CEMIP: variants seen among roughly 807,000 people sequenced by gnomAD.
The protein encoded by CEMIP is cell migration-inducing and hyaluronan-binding protein.
Under a neutral mutation model 156.9 loss-of-function variants are expected in CEMIP, and 105 were observed. The observed-to-expected ratio is 0.67, with a 90% CI of 0.57 to 0.79. The LOEUF is 0.79. Ranked by LOEUF, CEMIP falls within the 30% of genes least tolerant of loss-of-function variation. The pLI is 0.00. For synonymous variants in CEMIP, 676 were observed against 668.4 expected, an observed-to-expected ratio of 1.01 and a Z score of -0.17; for missense variants, 1,457 against 1,769.4, an observed-to-expected ratio of 0.82 and a Z score of 3.17.
At chr15:80,840,970 G>A (rs1350958438) in intron 1 of CEMIP, among the ~76,000 whole-genome samples, 1 of 152,200 alleles carries the variant, frequency 6.6e-6, no homozygotes, top group Non-Finnish European at 1.5e-5. Context: ...AAGGGGAGGA[G>A]GACACAGCTT....
At chr15:80,854,632 C>T (rs772377214) in intron 1 of CEMIP, among the ~76,000 whole-genome samples, 10 of 152,162 alleles carry the variant, frequency 6.6e-5, no homozygotes, top group African/African-American at 1.9e-4. Context: ...AACTGCAAAC[C>T]GGGTGCTTTC....
At chr15:80,934,432 T>C (rs180989600) in intron 23 of CEMIP, among the ~76,000 whole-genome samples, 2 of 152,192 alleles carry the variant, frequency 1.3e-5, no homozygotes, top group African/African-American at 4.8e-5. Flanking sequence ...AGTTAGCTAT[T>C]ATTATATTAT....
chr15:80,866,247 G>A (rs565609588), intron 1 of CEMIP, among the ~76,000 whole-genome samples: 1 of 152,284 alleles, frequency 6.6e-6, no homozygotes, highest in East Asian at 1.9e-4. Context: ...TCTGTAGGTG[G>A]TTCCCCATTG....
chr15:80,827,342 T>G (rs890670649), intron 1 of CEMIP, among the ~76,000 whole-genome samples: 6 of 152,168 alleles, frequency 3.9e-5, no homozygotes, highest in African/African-American at 1.2e-4. Context: ...CCTGATAGTT[T>G]TCAGTCCAAA....
chr15:80,930,323 C>T lies in CEMIP; in HGVS notation c.2612+1149C>T, dbSNP rs116812098. On this transcript the variant is annotated intron_variant, in intron 21 of 29. Transcript: ENST00000394685. Reference sequence around the variant, plus strand: ...GTGTATGAGTGACCCTGAATCCGCACGTTCAAGGTTTCTTTGCCAAGGGTT... The same window carrying T: ...GTGTATGAGTGACCCTGAATCCGCATGTTCAAGGTTTCTTTGCCAAGGGTT... Among the ~76,000 whole-genome samples, 1,253 of 152,320 alleles carry T rather than the reference C, an allele frequency of 8.2e-3. 19 individuals are homozygous for T. Among genetic ancestry groups the T allele is most frequent in the African/African-American group, 0.029 (1,198 of 41,558 alleles).
chr15:80,902,542 T>C (rs1188701209), intron 12 of CEMIP, among the ~76,000 whole-genome samples: 2 of 152,172 alleles, frequency 1.3e-5, no homozygotes, highest in Non-Finnish European at 2.9e-5. Context: ...ATAAGGTGGC[T>C]GCCGCAGCTA....
chr15:80,789,618 T>C (rs560570795), intron 1 of CEMIP, among the ~76,000 whole-genome samples: 3 of 152,154 alleles, frequency 2.0e-5, no homozygotes, highest in Admixed American at 6.5e-5. Flanking sequence ...GTCTGTTTAG[T>C]TGGTAGCTTT....
intron 8 of CEMIP, among the ~76,000 whole-genome samples, chr15:80,888,405 G>A (rs1567084523): frequency 6.6e-6 from 1 of 152,078 alleles, no homozygotes. Context: ...CAAAGGCTGC[G>A]GGAAGCGCTG....
intron 25 of CEMIP, 31 bp downstream of exon 25, chr15:80,938,010 G>C (rs766532300): frequency 1.4e-5 from 23 of 1,591,736 alleles, no homozygotes; most frequent in African/African-American, 4.0e-5. Flanking sequence ...CTGCAGGAAA[G>C]TGGCTCAACC....
At chr15:80,856,034 C>T (rs898775249) in intron 1 of CEMIP, among the ~76,000 whole-genome samples, 1 of 152,206 alleles carries the variant, frequency 6.6e-6, no homozygotes, top group Non-Finnish European at 1.5e-5. Context: ...CTGGATCATT[C>T]CATTTACATG....
chr15:80,893,237 T>C (rs1899095396), intron 10 of CEMIP, among the ~76,000 whole-genome samples: 1 of 152,012 alleles, frequency 6.6e-6, no homozygotes, highest in African/African-American at 2.4e-5. Context: ...ATAAATTTAC[T>C]ATTAGTTATT....
chr15:80,828,100 C>T (rs530241154), intron 1 of CEMIP, among the ~76,000 whole-genome samples: 3 of 152,242 alleles, frequency 2.0e-5, no homozygotes, highest in Non-Finnish European at 2.9e-5. Flanking sequence ...GAATGCAGGC[C>T]GGGTGTGGTG....
intron 14 of CEMIP, among the ~76,000 whole-genome samples, chr15:80,916,631 C>T (rs1383747302): frequency 1.3e-5 from 2 of 152,174 alleles, no homozygotes; most frequent in Non-Finnish European, 2.9e-5. Context: ...CTACATCTAT[C>T]ATCTCAAGCT....
chr15:80,913,250 T>C, intron 14 of CEMIP, among the ~76,000 whole-genome samples: 1 of 152,104 alleles, frequency 6.6e-6, no homozygotes, highest in East Asian at 1.9e-4. Flanking sequence ...TTGGGAAGGG[T>C]GGTCTGAAAT....
intron 1 of CEMIP, among the ~76,000 whole-genome samples, chr15:80,868,732 ATAAAC>A (rs1341969912): frequency 6.6e-6 from 1 of 152,238 alleles, no homozygotes; most frequent in African/African-American, 2.4e-5. Flanking sequence ...TTCCCCATCC[ATAAAC>A]TAGAGATAAT....
rs796068914 is a variant in CEMIP at position 80,926,836 on chromosome 15, C to CTTTTTTTTTTTTTTTT, written c.2420+1093_2420+1094insTTTTTTTTTTTTTTTT. Reference sequence around the variant, plus strand: ...TGAGCGGGTGGGGGGGGGGGGTCTTCTTTTTTTTTTTTGAGATGGAGTCTT... The same window carrying CTTTTTTTTTTTTTTTT: ...TGAGCGGGTGGGGGGGGGGGGTCTTCTTTTTTTTTTTTTTTTTTTTTTTTTTTTGAGATGGAGTCTT... On this transcript the variant is annotated intron_variant, in intron 19 of 29. Coordinates refer to ENST00000394685, the MANE Select transcript of CEMIP (RefSeq NM_001293298.2). 2.2e-4 allele frequency among the ~76,000 whole-genome samples: 24 copies of CTTTTTTTTTTTTTTTT among 106,770 alleles called. 1 individual carries two copies. The highest frequency in any genetic ancestry group is 1.2e-3 in the African/African-American group (23 of 19,278). The allele number at this position is 106,770 out of a possible 152,430, so 70.0% of individuals were successfully genotyped here.
intron 9 of CEMIP, among the ~76,000 whole-genome samples, chr15:80,889,222 C>G (rs184208325): frequency 6.8e-4 from 103 of 152,340 alleles, no homozygotes; most frequent in Non-Finnish European, 1.2e-3. Flanking sequence ...CTTTAATTTG[C>G]TTTTGCAATA....
intron 1 of CEMIP, among the ~76,000 whole-genome samples, chr15:80,781,482 A>G (rs1895794602): frequency 6.6e-6 from 1 of 152,210 alleles, no homozygotes; most frequent in Admixed American, 6.5e-5. Flanking sequence ...TGTGCACCAA[A>G]TTAAAGATCT....
Position 80,894,981 on chromosome 15 carries a change from C to A in CEMIP, c.1087-9C>A, listed in dbSNP as rs1314841810. 1 of 1,613,852 alleles carries A rather than the reference C, an allele frequency of 6.2e-7. No homozygotes were observed. The highest frequency in any genetic ancestry group is 1.7e-5 in the Admixed American group (1 of 60,010). On this transcript the variant is annotated splice_polypyrimidine_tract_variant and intron_variant, in intron 10 of 29. Coordinates refer to ENST00000394685, the MANE Select transcript of CEMIP (RefSeq NM_001293298.2). ...CGACTTTGCTCTGTAATTTCTGTGT[C>A]ATTCCCAGGCCACTACAATGGATGG...
Sources: allele counts gnomAD v4.1 joint callset (sites outside exome capture counted in the v4.1 genomes callset), GRCh38; gene constraint gnomAD v4.1.1; transcripts MANE v1.5; gene names NCBI Gene and HGNC (gene_info 2026-07-23, HGNC 2026-07-21).